Variants in TMEM38B observed in about 807,000 individuals in gnomAD.
The protein encoded by TMEM38B is transmembrane protein 38B, also known as trimeric intracellular cation channel type B.
Under a neutral mutation model 28.7 loss-of-function variants are expected in TMEM38B, and 24 were observed. The ratio of observed to expected loss-of-function variants is 0.84; its 90% CI spans 0.61 to 1.18. TMEM38B has a LOEUF of 1.18. TMEM38B is among the 50% of genes most tolerant of loss of function. TMEM38B has a pLI of 0.00. For missense variants in TMEM38B, 380 were observed against 350.9 expected, an observed-to-expected ratio of 1.08 and a Z score of -0.66; for synonymous variants, 131 against 127.7, an observed-to-expected ratio of 1.03 and a Z score of -0.17.
At chr9:105,719,188 G>A (rs1836227278) in intron 2 of TMEM38B, among the ~76,000 whole-genome samples, 1 of 152,122 alleles carries the variant, frequency 6.6e-6, no homozygotes, top group Non-Finnish European at 1.5e-5. Context: ...TCATTTGTTT[G>A]TGGCCTAGGG....
intron 2 of TMEM38B, among the ~76,000 whole-genome samples, chr9:105,709,191 C>A (rs1217580274): frequency 2.0e-5 from 3 of 152,048 alleles, no homozygotes; most frequent in African/African-American, 7.2e-5. Flanking sequence ...ATATCTAATG[C>A]AAAGTTAAAT....
Position 105,776,369 on chromosome 9 carries a change from T to G in TMEM38B, c.*2289T>G, listed in dbSNP as rs1445196216. On this transcript the variant is annotated 3_prime_UTR_variant, in exon 6 of 6. Coordinates refer to ENST00000374692, the MANE Select transcript of TMEM38B (RefSeq NM_018112.3). ...GAGAGAGACCAGATATGTGGAGTTG[T>G]TGGCTTTCAGTGGAAATGGTAGCCT... 1 of 152,158 alleles carries G rather than the reference T, an allele frequency of 6.6e-6. No individual in the cohort carries two copies. The highest frequency in any genetic ancestry group is 2.4e-5 in the African/African-American group (1 of 41,428). 9.4% of individuals were successfully genotyped at this position (152,158 alleles called of 1,614,324 possible). A position where few individuals can be genotyped will look rare whatever the true frequency, so the allele number is the denominator to read the frequency against.
At chr9:105,750,373 C>A (rs1413404845) in intron 5 of TMEM38B, among the ~76,000 whole-genome samples, 4 of 152,040 alleles carry the variant, frequency 2.6e-5, no homozygotes, top group African/African-American at 9.7e-5. Context: ...CCTATAATCC[C>A]AGCACTTTGG....
intron 4 of TMEM38B, among the ~76,000 whole-genome samples, chr9:105,731,773 G>A (rs766648388): frequency 3.4e-4 from 51 of 152,158 alleles, no homozygotes; most frequent in African/African-American, 9.9e-4. Flanking sequence ...ACATACGTGT[G>A]TATGTGTCTT....
intron 4 of TMEM38B, among the ~76,000 whole-genome samples, chr9:105,746,180 C>T (rs1278855275): frequency 6.6e-6 from 1 of 152,020 alleles, no homozygotes; most frequent in African/African-American, 2.4e-5. Context: ...GCAGTATGGC[C>T]ATTTTCACGA....
intron 4 of TMEM38B, among the ~76,000 whole-genome samples, chr9:105,735,354 G>A (rs982373019): frequency 1.3e-5 from 2 of 152,140 alleles, no homozygotes; most frequent in African/African-American, 4.8e-5. Flanking sequence ...GGTATTTTGA[G>A]TTTGATTTTG....
intron 1 of TMEM38B, among the ~76,000 whole-genome samples, chr9:105,696,993 A>C (rs1835311105): frequency 6.6e-6 from 1 of 152,236 alleles, no homozygotes; most frequent in Non-Finnish European, 1.5e-5. Flanking sequence ...TAAGATGCTA[A>C]GTATTGATAC....
Position 105,775,469 on chromosome 9 carries a change from C to T in TMEM38B, c.*1389C>T, listed in dbSNP as rs1826695570. ...CGATGGTTTAGAAGTACTCAAGTCACATCACATTCAAGTTAGAAGTTTTTT... is the reference window on the plus strand; with the variant it reads ...CGATGGTTTAGAAGTACTCAAGTCATATCACATTCAAGTTAGAAGTTTTTT... On this transcript the variant is annotated 3_prime_UTR_variant, in exon 6 of 6. Coordinates refer to ENST00000374692, the MANE Select transcript of TMEM38B (RefSeq NM_018112.3). 6.6e-6 allele frequency: 1 copy of T among 151,982 alleles called. No homozygotes were observed. Among genetic ancestry groups the T allele is most frequent in the Non-Finnish European group, 1.5e-5 (1 of 67,966 alleles). 9.4% of individuals were successfully genotyped at this position (151,982 alleles called of 1,614,324 possible).
In TMEM38B at chr9:105,698,732, T is replaced by A. The variant is rs115226288; in HGVS notation, c.112+3960T>A. Among the ~76,000 whole-genome samples, 908 of 152,264 alleles carry A rather than the reference T, an allele frequency of 6.0e-3. 14 individuals are homozygous for A. Among genetic ancestry groups the A allele is most frequent in the African/African-American group, 0.021 (872 of 41,564 alleles). ...AGTTTGGGCCCAAGGTTATGCTGTT[T>A]TTGTAAAATAGATTGGGAAGCTTTC... On this transcript the variant is annotated intron_variant, in intron 1 of 5. Transcript: ENST00000374692.
chr9:105,729,558 C>T (rs573256698), intron 4 of TMEM38B, among the ~76,000 whole-genome samples: 2 of 152,112 alleles, frequency 1.3e-5, no homozygotes, highest in African/African-American at 2.4e-5. Context: ...TTTCTTGGCT[C>T]TGCAGGCTCT....
intron 1 of TMEM38B, among the ~76,000 whole-genome samples, chr9:105,695,372 C>T (rs974308097): frequency 6.6e-6 from 1 of 152,234 alleles, no homozygotes; most frequent in African/African-American, 2.4e-5. Context: ...TAACACCCTG[C>T]CTAGCATGTG....
At chr9:105,771,736 C>T (rs1022665241) in intron 5 of TMEM38B, among the ~76,000 whole-genome samples, 8 of 152,142 alleles carry the variant, frequency 5.3e-5, no homozygotes, top group African/African-American at 1.9e-4. Flanking sequence ...TATATTTGGA[C>T]TCCTCGTTTT....
intron 4 of TMEM38B, among the ~76,000 whole-genome samples, chr9:105,734,225 TA>T (rs1256831795): frequency 6.6e-6 from 1 of 152,156 alleles, no homozygotes; most frequent in Non-Finnish European, 1.5e-5. Context: ...GCATCCTGTT[TA>T]ATTTTCACAT....
rs1168082860 is a variant in TMEM38B at position 105,760,005 on chromosome 9, ACT to A, written c.660+11818_660+11819del. 4.5e-5 allele frequency: 66 copies of A among 1,471,464 alleles called. No homozygotes were observed. In the African/African-American group the frequency reaches 5.4e-4, roughly 12 times the overall value. 91.2% of individuals were successfully genotyped at this position (1,471,464 alleles called of 1,614,324 possible). A position where few individuals can be genotyped will look rare whatever the true frequency, so the allele number is the denominator to read the frequency against. On this transcript the variant is annotated intron_variant, in intron 5 of 5. Transcript: ENST00000374692. ...AGTCTAGTGCTGCAATCAATAAAAG[ACT>A]CTGCAAAAGTTCAATAGAATTTTCA...
At chr9:105,756,033 C>T (rs1156870897) in intron 5 of TMEM38B, among the ~76,000 whole-genome samples, 2 of 152,040 alleles carry the variant, frequency 1.3e-5, no homozygotes, top group Non-Finnish European at 2.9e-5. Flanking sequence ...GAGTTCAAGA[C>T]CAGTCTGGCC....
At chr9:105,746,487 T>A (rs1390113467) in intron 4 of TMEM38B, among the ~76,000 whole-genome samples, 1 of 152,248 alleles carries the variant, frequency 6.6e-6, no homozygotes, top group Admixed American at 6.5e-5. Flanking sequence ...GCTGAGACGA[T>A]GGCGTTTTCT....
chr9:105,718,302 G>C (rs1836185325), intron 2 of TMEM38B, among the ~76,000 whole-genome samples: 1 of 150,764 alleles, frequency 6.6e-6, no homozygotes, highest in South Asian at 2.1e-4. Flanking sequence ...GCAATGGCAC[G>C]ATCTCAGCTC....
At position 105,760,183 on chromosome 9, in the gene TMEM38B, A is replaced by G. The variant is rs184109856; in HGVS notation, c.660+11993A>G. ...TAGAAAGCTTCAACTTTTAATGCGT[A>G]TGATTTCCCAAATGAGTCAAAATGT... On this transcript the variant is annotated intron_variant, in intron 5 of 5. Coordinates refer to ENST00000374692, the MANE Select transcript of TMEM38B (RefSeq NM_018112.3). 64 of 918,562 alleles carry G rather than the reference A, an allele frequency of 7.0e-5. 1 individual carries two copies. The East Asian group carries it at 7.9e-4, about 11-fold the overall frequency. The allele number at this position is 918,562 out of a possible 1,614,324, so 56.9% of individuals were successfully genotyped here.
At position 105,708,040 on chromosome 9, in the gene TMEM38B, C is replaced by T. The variant is rs183965546; in HGVS notation, c.269+2287C>T. ...TATTTCTACTTCTGTTCCTATAATA[C>T]TAACCTCCTGGATGATTGCAGGAGC... On this transcript the variant is annotated intron_variant, in intron 2 of 5. Transcript: ENST00000374692. 1.2e-4 allele frequency among the ~76,000 whole-genome samples: 19 copies of T among 152,244 alleles called. No homozygotes were observed. In the East Asian group the frequency reaches 3.7e-3, roughly 29 times the overall value.
Sources: gnomAD v4.1 joint callset for allele counts (sites outside exome capture counted in the v4.1 genomes callset) on GRCh38, gnomAD v4.1.1 for gene constraint, MANE v1.5 for transcripts, NCBI Gene and HGNC (gene_info 2026-07-23, HGNC 2026-07-21) for gene names.